The following MCPH1 variants were observed in gnomAD, a reference collection of about 807,000 sequenced individuals.
MCPH1 encodes the protein microcephalin.
A neutral mutation model predicts 84.5 loss-of-function variants in MCPH1; 104 were observed. That is an observed-to-expected ratio of 1.23 (90% CI 1.05 to 1.45). The LOEUF (loss-of-function observed/expected upper bound fraction) is 1.45, where lower values mean the gene tolerates loss of function less well. Ranked by LOEUF, MCPH1 falls within the 40% of genes most tolerant of loss-of-function variation. The probability of loss-of-function intolerance (pLI) is 0.00; values close to 1 mark genes in which losing one functional copy is unlikely to be tolerated. For missense variants in MCPH1, 1,498 were observed against 1,005.7 expected (o/e 1.49, Z -6.62); for synonymous variants, 514 against 366.8 (o/e 1.40, Z -4.58).
At chr8:6,473,001 T>C (rs1303035275) in intron 9 of MCPH1, among the ~76,000 whole-genome samples, 1 of 152,198 alleles carries the variant, frequency 6.6e-6, no homozygotes, top group African/African-American at 2.4e-5. Context: ...ATTTCTTGAA[T>C]ACTCAAGGGT....
intron 13 of MCPH1, among the ~76,000 whole-genome samples, chr8:6,634,102 T>C (rs758450036): frequency 1.3e-5 from 2 of 152,074 alleles, no homozygotes; most frequent in Non-Finnish European, 2.9e-5. Flanking sequence ...TACGTAAAGC[T>C]AAAAATGAAG....
chr8:6,486,299 ACTCTCGCT>A (rs936750563), intron 11 of MCPH1, among the ~76,000 whole-genome samples: 21 of 143,690 alleles, frequency 1.5e-4, no homozygotes, highest in African/African-American at 2.1e-4. Context: ...TCTCTCTGGC[ACTCTCGCT>A]CTCTCGCTCT....
At chr8:6,408,202 C>T (rs1798011681) in intron 1 of MCPH1, among the ~76,000 whole-genome samples, 1 of 152,116 alleles carries the variant, frequency 6.6e-6, no homozygotes, top group Admixed American at 6.6e-5. Flanking sequence ...TTAATAAATT[C>T]CACTGAAGCT....
chr8:6,592,927 A>C (rs1487674912), intron 12 of MCPH1, among the ~76,000 whole-genome samples: 1 of 149,926 alleles, frequency 6.7e-6, no homozygotes, highest in Non-Finnish European at 1.5e-5. Flanking sequence ...TTGTCCTCCC[A>C]AAGTGCTGGG....
rs368793388 is a variant in MCPH1 at position 6,556,869 on chromosome 8, G to A, written c.2214+56940G>A. 2.6e-5 allele frequency among the ~76,000 whole-genome samples: 4 copies of A among 152,146 alleles called. No individual in the cohort carries two copies. In the East Asian group the frequency reaches 5.8e-4, roughly 22 times the overall value. ...CTCTCAAAGCTCTAGGATTACAGGT[G>A]TGAGGCACTGTGCCTGGCTTTAGGC... On this transcript the variant is annotated intron_variant, in intron 12 of 13. Coordinates refer to ENST00000344683, the MANE Select transcript of MCPH1 (RefSeq NM_024596.5).
At chr8:6,604,002 CT>C (rs11428333) in intron 12 of MCPH1, among the ~76,000 whole-genome samples, 15 of 145,364 alleles carry the variant, frequency 1.0e-4, no homozygotes, top group African/African-American at 1.8e-4. Context: ...TTCACTTTGA[CT>C]TTTTTTTTTT....
intron 12 of MCPH1, among the ~76,000 whole-genome samples, chr8:6,507,057 C>T (rs1813885430): frequency 6.6e-6 from 1 of 152,112 alleles, no homozygotes; most frequent in Non-Finnish European, 1.5e-5. Flanking sequence ...GCCACCACGC[C>T]TGGCTAATTT....
At chr8:6,632,967 A>C (rs1797277006) in intron 13 of MCPH1, among the ~76,000 whole-genome samples, 1 of 152,072 alleles carries the variant, frequency 6.6e-6, no homozygotes, top group South Asian at 2.1e-4. Context: ...CTAATCCATT[A>C]ATTTTCTTAG....
chr8:6,601,745 C>G lies in MCPH1; in HGVS notation c.2215-19709C>G, dbSNP rs1211126013. Among the ~76,000 whole-genome samples the G allele has an allele frequency of 6.9e-5, 3 of 43,718 alleles. 1 individual carries two copies. Among genetic ancestry groups the G allele is most frequent in the African/African-American group, 1.5e-4 (3 of 19,572 alleles). 28.7% of individuals were successfully genotyped at this position (43,718 alleles called of 152,430 possible). On this transcript the variant is annotated intron_variant, in intron 12 of 13. Transcript: ENST00000344683. ...CACACCCAATCACATACCACATATA[C>G]CCACACCACACACACACACACACCC...
chr8:6,433,857 T>G (rs1802231689), intron 4 of MCPH1, among the ~76,000 whole-genome samples: 1 of 152,104 alleles, frequency 6.6e-6, no homozygotes, highest in Non-Finnish European at 1.5e-5. Context: ...GAGATGGTTC[T>G]GTGCCTCTGT....
intron 9 of MCPH1, among the ~76,000 whole-genome samples, chr8:6,469,942 T>C (rs537606488): frequency 2.7e-4 from 41 of 152,248 alleles, no homozygotes; most frequent in Non-Finnish European, 4.4e-4. Flanking sequence ...CGTTGGATTC[T>C]TTCATGTGAC....
At chr8:6,603,608 A>G (rs1421326731) in intron 12 of MCPH1, among the ~76,000 whole-genome samples, 3 of 152,174 alleles carry the variant, frequency 2.0e-5, no homozygotes, top group Non-Finnish European at 4.4e-5. Context: ...GCAAGGAAGT[A>G]TGGGATGGGA....
intron 6 of MCPH1, among the ~76,000 whole-genome samples, chr8:6,440,787 A>G (rs1259628844): frequency 6.6e-6 from 1 of 152,200 alleles, no homozygotes; most frequent in Non-Finnish European, 1.5e-5. Context: ...GCTTAATTTT[A>G]TGTCCTTTGT....
rs140095914 is a variant in MCPH1 at position 6,537,012 on chromosome 8, C to G, written c.2214+37083C>G. 2.3e-4 allele frequency among the ~76,000 whole-genome samples: 35 copies of G among 151,350 alleles called. 1 individual carries two copies. Among genetic ancestry groups the G allele is most frequent in the African/African-American group, 8.5e-4 (35 of 41,250 alleles). On this transcript the variant is annotated intron_variant, in intron 12 of 13. Coordinates refer to ENST00000344683, the MANE Select transcript of MCPH1 (RefSeq NM_024596.5). ...AAAACCAACCCAGTAAATAAGCCAT[C>G]CTCCACTGGCAGCACCAAACTCCAC... is the stretch of plus-strand genomic sequence containing the variant.
Position 6,446,093 on chromosome 8 carries a change from A to G in MCPH1, c.1825+546A>G, listed in dbSNP as rs1054074. ...ATGAAGAAACATTTAAACATTTTTG[A>G]TCATTTGTAACAAGCCTTGTTTAAC... On this transcript the variant is annotated intron_variant, in intron 8 of 13. Transcript: ENST00000344683. 1.8e-5 allele frequency: 18 copies of G among 976,818 alleles called. No homozygotes were observed. The African/African-American group carries it at 2.8e-4, about 15-fold the overall frequency. The allele number at this position is 976,818 out of a possible 1,614,324, so 60.5% of individuals were successfully genotyped here. A position where few individuals can be genotyped will look rare whatever the true frequency, so the allele number is the denominator to read the frequency against.
intron 12 of MCPH1, among the ~76,000 whole-genome samples, chr8:6,608,457 C>G (rs1318447374): frequency 6.6e-6 from 1 of 152,198 alleles, no homozygotes; most frequent in African/African-American, 2.4e-5. Context: ...TTGTCCTAAC[C>G]TTCAAGCTTG....
chr8:6,471,859 C>T (rs1293459350), intron 9 of MCPH1, among the ~76,000 whole-genome samples: 1 of 152,210 alleles, frequency 6.6e-6, no homozygotes, highest in Admixed American at 6.5e-5. Flanking sequence ...TAGCTAATTG[C>T]AGATGCTGAT....
chr8:6,615,797 G>C (rs1830728236), intron 12 of MCPH1: 1 of 152,200 alleles, frequency 6.6e-6, no homozygotes, highest in African/African-American at 2.4e-5. Flanking sequence ...GAACAGGCTT[G>C]ATGAGGACAG....
intron 12 of MCPH1, among the ~76,000 whole-genome samples, chr8:6,521,632 G>C (rs1238554804): frequency 2.0e-5 from 3 of 152,168 alleles, no homozygotes; most frequent in Non-Finnish European, 4.4e-5. Context: ...GTATGTACAT[G>C]CAGACTTATG....
Sources: allele counts gnomAD v4.1 joint callset (sites outside exome capture counted in the v4.1 genomes callset), GRCh38; gene constraint gnomAD v4.1.1; transcripts MANE v1.5; gene names NCBI Gene and HGNC (gene_info 2026-07-23, HGNC 2026-07-21).